Variants in HSDL1 observed in about 807,000 individuals in gnomAD.
The protein encoded by HSDL1 is hydroxysteroid dehydrogenase like 1, also known as inactive hydroxysteroid dehydrogenase-like protein 1.
Under a neutral mutation model 31.5 loss-of-function variants are expected in HSDL1, and 29 were observed. The observed-to-expected ratio is 0.92, with a 90% CI of 0.69 to 1.26. HSDL1 has a LOEUF of 1.26. Among genes scored for constraint, HSDL1 ranks in the 50% most tolerant of loss-of-function variants. The pLI is 0.00. For missense variants in HSDL1, 503 were observed against 416.6 expected, an observed-to-expected ratio of 1.21 and a Z score of -1.81; for synonymous variants, 222 against 155.2, an observed-to-expected ratio of 1.43 and a Z score of -3.20.
chr16:84,143,494 G>C (rs1251720037), intron 1 of HSDL1, among the ~76,000 whole-genome samples: 2 of 152,122 alleles, frequency 1.3e-5, no homozygotes, highest in Non-Finnish European at 2.9e-5. Flanking sequence ...TCTTTTGTAG[G>C]TGATTAAATG....
chr16:84,134,938 A>G (rs1323751407), intron 2 of HSDL1, among the ~76,000 whole-genome samples: 1 of 152,180 alleles, frequency 6.6e-6, no homozygotes, highest in East Asian at 1.9e-4. Context: ...TTCAATGAAA[A>G]AATAGATACT....
chr16:84,134,605 C>G (rs1230970626), intron 2 of HSDL1, among the ~76,000 whole-genome samples: 1 of 152,006 alleles, frequency 6.6e-6, no homozygotes, highest in Non-Finnish European at 1.5e-5. Flanking sequence ...GAGTTAGACT[C>G]CATCTCAAGA....
intron 1 of HSDL1, among the ~76,000 whole-genome samples, chr16:84,137,328 C>T (rs1333136536): frequency 1.3e-5 from 2 of 152,200 alleles, no homozygotes; most frequent in African/African-American, 2.4e-5. Flanking sequence ...GGAAGTCCCC[C>T]GCATGCACAG....
intron 5 of HSDL1, among the ~76,000 whole-genome samples, chr16:84,127,558 C>T (rs2086621359): frequency 6.6e-6 from 1 of 151,188 alleles, no homozygotes; most frequent in Non-Finnish European, 1.5e-5. Context: ...TCATAAAAGT[C>T]ATAATTAACT....
chr16:84,127,932 G>A (rs781338883), intron 5 of HSDL1, among the ~76,000 whole-genome samples: 8 of 150,472 alleles, frequency 5.3e-5, no homozygotes, highest in Admixed American at 6.6e-5. Context: ...TGTTAGCCAG[G>A]ATGGTCTCGA....
intron 1 of HSDL1, among the ~76,000 whole-genome samples, chr16:84,144,702 G>A (rs2086822517): frequency 6.6e-6 from 1 of 152,054 alleles, no homozygotes; most frequent in Non-Finnish European, 1.5e-5. Context: ...GGGAGGGCAG[G>A]GCATGCGCCG....
chr16:84,135,879 A>G (rs939034260), intron 1 of HSDL1, among the ~76,000 whole-genome samples: 1 of 152,188 alleles, frequency 6.6e-6, no homozygotes, highest in Non-Finnish European at 1.5e-5. Context: ...CTTTTTTCCT[A>G]GGGAACATTT....
chr16:84,134,979 G>T (rs931400278), intron 2 of HSDL1, among the ~76,000 whole-genome samples: 5 of 152,036 alleles, frequency 3.3e-5, no homozygotes, highest in Non-Finnish European at 5.9e-5. Flanking sequence ...CGCGCCTGTA[G>T]TCCCAGCACT....
Position 84,129,607 on chromosome 16 carries a change from C to T in HSDL1, c.835G>A (p.Ala279Thr), listed in dbSNP as rs1201650099. 5.0e-6 allele frequency: 8 copies of T among 1,614,210 alleles called. No homozygotes were observed. Among genetic ancestry groups the T allele is most frequent in the Non-Finnish European group, 6.8e-6 (8 of 1,180,040 alleles). ...VPSPKVYAHH[A>T]VSTLGISKRT... Reference sequence around the variant, plus strand: ...TTGGAAATCCCAAGAGTAGAAACAGCATGATGTGCATAGACTTTTGGCGAA... The same window carrying T: ...TTGGAAATCCCAAGAGTAGAAACAGTATGATGTGCATAGACTTTTGGCGAA... The change falls in exon 5 of 6, where the codon GCT (alanine) becomes ACT (threonine). Residue 279 changes from alanine (A) to threonine (T), a missense_variant. Ala to Thr is a moderately conservative substitution (Grantham distance 58). Coordinates refer to ENST00000219439, the MANE Select transcript of HSDL1 (RefSeq NM_031463.5).
At chr16:84,142,680 G>A (rs1299551894) in intron 1 of HSDL1, among the ~76,000 whole-genome samples, 1 of 151,836 alleles carries the variant, frequency 6.6e-6, no homozygotes, top group African/African-American at 2.4e-5. Flanking sequence ...TCCTGACCTT[G>A]TGATCCGCCC....
At chr16:84,126,733 C>A (rs190516416) in intron 5 of HSDL1, among the ~76,000 whole-genome samples, 5 of 134,836 alleles carry the variant, frequency 3.7e-5, no homozygotes, top group South Asian at 2.4e-4. Context: ...GACACACCCA[C>A]ACCCACACAC....
chr16:84,141,213 C>G (rs1002044661), intron 1 of HSDL1, among the ~76,000 whole-genome samples: 1 of 129,718 alleles, frequency 7.7e-6, no homozygotes, highest in Non-Finnish European at 1.6e-5. Flanking sequence ...CGAGACTCAT[C>G]CATGCCCCTG....
chr16:84,128,583 G>C (rs1264037191), intron 5 of HSDL1, among the ~76,000 whole-genome samples: 1 of 151,910 alleles, frequency 6.6e-6, no homozygotes, highest in African/African-American at 2.4e-5. Flanking sequence ...GTGGTTTTGT[G>C]GTTTTTTTGG....
At chr16:84,129,889 T>G in intron 4 of HSDL1, 97 bp downstream of exon 4, 1 of 1,412,682 alleles carries the variant, frequency 7.1e-7, no homozygotes, top group East Asian at 2.3e-5. Context: ...TAAGCATATG[T>G]GAGTTGCTGA....
chr16:84,134,080 A>G (rs903450894), intron 2 of HSDL1, among the ~76,000 whole-genome samples: 1 of 151,790 alleles, frequency 6.6e-6, no homozygotes, highest in Non-Finnish European at 1.5e-5. Flanking sequence ...AAATCCTTTG[A>G]TTGACAATCC....
chr16:84,129,461 T>C lies in HSDL1; in HGVS notation c.894+87A>G. On this transcript the variant is annotated intron_variant, in intron 5 of 5. Coordinates refer to ENST00000219439, the MANE Select transcript of HSDL1 (RefSeq NM_031463.5). ...TAAGAGTCAGAATTTACAATTCTCA[T>C]CTTAGGCTTTAATCAGATTTCTCTG... The C allele has an allele frequency of 5.2e-6, 5 of 966,060 alleles. No individual in the cohort carries two copies. In the South Asian group the frequency reaches 6.0e-5, roughly 12 times the overall value. The allele number at this position is 966,060 out of a possible 1,614,324, so 59.8% of individuals were successfully genotyped here.
intron 5 of HSDL1, among the ~76,000 whole-genome samples, chr16:84,126,060 G>A (rs1470005740): frequency 4.0e-5 from 6 of 150,828 alleles, no homozygotes; most frequent in South Asian, 2.1e-4. Context: ...CCGAGATCGC[G>A]GCACTGCACT....
chr16:84,127,243 A>C (rs2086618418), intron 5 of HSDL1, among the ~76,000 whole-genome samples: 1 of 131,230 alleles, frequency 7.6e-6, no homozygotes, highest in Non-Finnish European at 1.6e-5. Flanking sequence ...TTGAGATAAG[A>C]GTCTAGCTCT....
At chr16:84,130,482 T>A in intron 3 of HSDL1, 51 bp from the exon 4 acceptor site, 1 of 1,473,706 alleles carries the variant, frequency 6.8e-7, no homozygotes. Context: ...GGTGTGACCC[T>A]TAAAATGGAC....
Sources: allele counts gnomAD v4.1 joint callset (sites outside exome capture counted in the v4.1 genomes callset), GRCh38; gene constraint gnomAD v4.1.1; transcripts MANE v1.5; gene names NCBI Gene and HGNC (gene_info 2026-07-23, HGNC 2026-07-21).